OPRM1: variants seen among roughly 807,000 people sequenced by gnomAD.
The protein encoded by OPRM1 is mu-type opioid receptor.
OPRM1 carries 27 observed loss-of-function variants against 31.8 expected under a neutral mutation model. The ratio of observed to expected loss-of-function variants is 0.85; its 90% CI spans 0.63 to 1.17. The LOEUF (loss-of-function observed/expected upper bound fraction) is 1.17. Ranked by LOEUF, OPRM1 falls within the 50% of genes most tolerant of loss-of-function variation. OPRM1 has a pLI of 0.00. For missense variants in OPRM1, 536 were observed against 511.1 expected (o/e 1.05, Z -0.47); for synonymous variants, 196 against 189.9 (o/e 1.03, Z -0.26).
intron 1 of OPRM1, among the ~76,000 whole-genome samples, chr6:154,058,889 A>G (rs1191556441): frequency 2.0e-5 from 3 of 152,240 alleles, no homozygotes; most frequent in African/African-American, 7.2e-5. Flanking sequence ...CAGGAAAAAT[A>G]GAATTCAGAA....
chr6:154,167,661 CT>C (rs553671639), intron 3 of OPRM1, among the ~76,000 whole-genome samples: 182 of 152,282 alleles, frequency 1.2e-3, no homozygotes, highest in Non-Finnish European at 1.3e-3. Context: ...TGTCCAGAAG[CT>C]TAAAATTTGA....
rs1797650857 is a variant in OPRM1, at chr6:154,127,384, C to T, written c.*8663C>T. On this transcript the variant is annotated 3_prime_UTR_variant, in exon 4 of 4. Transcript: ENST00000330432. Reference sequence around the variant, plus strand: ...TCAGAAACACCTATGCCCTACTTGCCTACTCTTCAAGGGTTTAGGGGCTTA... The same window carrying T: ...TCAGAAACACCTATGCCCTACTTGCTTACTCTTCAAGGGTTTAGGGGCTTA... 6.6e-6 allele frequency among the ~76,000 whole-genome samples: 1 copy of T among 152,140 alleles called. No homozygotes were observed. Among genetic ancestry groups the T allele is most frequent in the African/African-American group, 2.4e-5 (1 of 41,416 alleles).
intron 3 of OPRM1, among the ~76,000 whole-genome samples, chr6:154,194,110 T>C (rs1776386332): frequency 6.6e-6 from 1 of 152,114 alleles, no homozygotes; most frequent in African/African-American, 2.4e-5. Context: ...TTTCAAACTG[T>C]TTTACATCTA....
intron 3 of OPRM1, among the ~76,000 whole-genome samples, chr6:154,172,095 C>A (rs557942790): frequency 1.3e-5 from 2 of 152,172 alleles, no homozygotes; most frequent in South Asian, 4.2e-4. Flanking sequence ...CCAATTGAGC[C>A]ACTAAAAGAA....
chr6:154,071,765 A>G (rs919601538), intron 1 of OPRM1, among the ~76,000 whole-genome samples: 1 of 152,244 alleles, frequency 6.6e-6, no homozygotes, highest in Non-Finnish European at 1.5e-5. Flanking sequence ...TAGAGTTGTC[A>G]TTGAGCAGTG....
rs753504217 is a variant in OPRM1 at position 154,090,932 on chromosome 6, T to A, written c.644-20T>A. The A allele has an allele frequency of 7.5e-6, 12 of 1,594,596 alleles. No individual in the cohort carries two copies. The highest frequency in any genetic ancestry group is 1.7e-4 in the Middle Eastern group (1 of 5,940). ...ATTAAATGTTGCTGCTAATTTTTCC[T>A]TTAAATTCCTTTCTTCTAGGTTCCA... On this transcript the variant is annotated intron_variant, in intron 2 of 3. Coordinates refer to ENST00000330432, the MANE Select transcript of OPRM1 (RefSeq NM_000914.5).
chr6:154,069,321 C>A (rs984549976), intron 1 of OPRM1, among the ~76,000 whole-genome samples: 6 of 152,140 alleles, frequency 3.9e-5, no homozygotes, highest in Non-Finnish European at 8.8e-5. Flanking sequence ...TTACTGCAAC[C>A]TCCACCTCCC....
intron 3 of OPRM1, among the ~76,000 whole-genome samples, chr6:154,171,788 G>T (rs983399092): frequency 6.6e-6 from 1 of 152,132 alleles, no homozygotes; most frequent in Non-Finnish European, 1.5e-5. Flanking sequence ...ACTCCTGAAG[G>T]GGGGCATTAG....
chr6:154,024,711 A>G (rs1562374420), intron 1 of OPRM1, among the ~76,000 whole-genome samples: 1 of 151,210 alleles, frequency 6.6e-6, no homozygotes, highest in South Asian at 2.1e-4. Flanking sequence ...TGCTTTGGCT[A>G]TATCCCACAG....
chr6:154,017,091 T>C (rs1043343971), intron 1 of OPRM1, among the ~76,000 whole-genome samples: 10 of 152,180 alleles, frequency 6.6e-5, no homozygotes, highest in African/African-American at 2.4e-4. Context: ...CTAGCACTTA[T>C]CACCATCTGA....
At chr6:154,180,373 T>A in intron 3 of OPRM1, among the ~76,000 whole-genome samples, 1 of 146,402 alleles carries the variant, frequency 6.8e-6, no homozygotes, top group Admixed American at 6.9e-5. Flanking sequence ...CTGAGCTAGT[T>A]TAACAACAAC....
chr6:154,159,741 T>C, intron 3 of OPRM1: 2 of 1,054,530 alleles, frequency 1.9e-6, no homozygotes, highest in Non-Finnish European at 2.8e-6. Context: ...GGTTTCAGTT[T>C]TCCTTTTAAG....
At position 154,089,821 on chromosome 6, in the gene OPRM1, C is replaced by G; in HGVS notation, c.291-5C>G. The G allele has an allele frequency of 2.5e-6, 4 of 1,599,874 alleles. No homozygotes were observed. Among genetic ancestry groups the G allele is most frequent in the Non-Finnish European group, 3.4e-6 (4 of 1,168,990 alleles). On this transcript the variant is annotated splice_region_variant and splice_polypyrimidine_tract_variant and intron_variant, in intron 1 of 3. Coordinates refer to ENST00000330432, the MANE Select transcript of OPRM1 (RefSeq NM_000914.5). ...GATTCTCACTCTTCTTCCTTTATCT[C>G]CTAGATACACCAAGATGAAGACTGC...
At chr6:154,025,663 G>C (rs1778652924) in intron 1 of OPRM1, among the ~76,000 whole-genome samples, 1 of 151,866 alleles carries the variant, frequency 6.6e-6, no homozygotes, top group East Asian at 1.9e-4. Context: ...ATATGGTTTT[G>C]TTTGTTGCTT....
intron 3 of OPRM1, among the ~76,000 whole-genome samples, chr6:154,151,575 G>C (rs1226971613): frequency 2.0e-5 from 3 of 152,106 alleles, no homozygotes; most frequent in African/African-American, 7.2e-5. Flanking sequence ...AAAACTCATA[G>C]CCACTGGGGA....
At chr6:154,151,961 G>A (rs73578404) in intron 3 of OPRM1, among the ~76,000 whole-genome samples, 9,981 of 151,960 alleles carry the variant, frequency 0.066, 949 homozygotes, top group African/African-American at 0.21. Flanking sequence ...GATCGCTTGA[G>A]GCCAGAAGTT....
chr6:154,235,531 CAAAAAA>C (rs34877577), intron 3 of OPRM1, among the ~76,000 whole-genome samples: 3 of 97,594 alleles, frequency 3.1e-5, no homozygotes, highest in African/African-American at 1.1e-4. Context: ...AACTCTGTCA[CAAAAAA>C]AAAAAAAAAA....
At chr6:154,233,579 C>T (rs1209477710) in intron 3 of OPRM1, among the ~76,000 whole-genome samples, 4 of 152,160 alleles carry the variant, frequency 2.6e-5, no homozygotes, top group Non-Finnish European at 4.4e-5. Context: ...CAATTTCCTA[C>T]AGAACCCAGA....
intron 1 of OPRM1, among the ~76,000 whole-genome samples, chr6:154,085,888 C>CTTTTTTTTTTTTTTTTT (rs779654564): frequency 5.6e-5 from 7 of 123,944 alleles, no homozygotes; most frequent in South Asian, 2.5e-4. Context: ...AAAGCTTGCC[C>CTTTTTTTTTTTTTTTTT]TTTTTTTTTT....
Sources: gnomAD v4.1 joint callset for allele counts (sites outside exome capture counted in the v4.1 genomes callset) on GRCh38, gnomAD v4.1.1 for gene constraint, MANE v1.5 for transcripts, NCBI Gene and HGNC (gene_info 2026-07-23, HGNC 2026-07-21) for gene names.